The following PRELID2 variants were observed in gnomAD, a reference collection of about 807,000 sequenced individuals.
PRELID2 encodes PRELI domain-containing protein 2.
PRELID2 carries 25 observed loss-of-function variants against 28.4 expected under a neutral mutation model. That is an observed-to-expected ratio of 0.88 (90% CI 0.64 to 1.23). The LOEUF is 1.23. PRELID2 is among the 50% of genes most tolerant of loss of function. The pLI, the probability that PRELID2 is intolerant of heterozygous loss-of-function variation, is 0.00. For missense variants in PRELID2, 201 were observed against 214.4 expected, an observed-to-expected ratio of 0.94 and a Z score of 0.39; for synonymous variants, 76 against 71.6, an observed-to-expected ratio of 1.06 and a Z score of -0.31.
chr5:145,627,612 G>A (rs894285060), intron 1 of PRELID2, among the ~76,000 whole-genome samples: 2 of 152,060 alleles, frequency 1.3e-5, no homozygotes, highest in Non-Finnish European at 2.9e-5. Flanking sequence ...CTCATTACCT[G>A]ATCTCCCTAC....
the PRELID2 span, among the ~76,000 whole-genome samples, chr5:145,370,897 T>A: frequency 2.6e-5 from 4 of 152,150 alleles, no homozygotes; most frequent in Non-Finnish European, 5.9e-5. Context: ...GGGAATTTAT[T>A]CATGATTTGG....
At chr5:145,772,580 A>G (rs1758177411) in intron 5 of PRELID2, among the ~76,000 whole-genome samples, 1 of 152,230 alleles carries the variant, frequency 6.6e-6, no homozygotes, top group African/African-American at 2.4e-5. Context: ...CAAGAAACCA[A>G]GAGATTGAAC....
intron 1 of PRELID2, among the ~76,000 whole-genome samples, chr5:145,617,503 G>C (rs1753715322): frequency 6.6e-6 from 1 of 152,118 alleles, no homozygotes; most frequent in Non-Finnish European, 1.5e-5. Flanking sequence ...CCCTCAACAG[G>C]TTGGGTCATT....
intron 1 of PRELID2, among the ~76,000 whole-genome samples, chr5:145,620,448 C>T: frequency 6.6e-6 from 1 of 152,164 alleles, no homozygotes; most frequent in East Asian, 1.9e-4. Context: ...AGAAAGGTAG[C>T]ACTTTTGTGG....
At chr5:145,649,888 T>C (rs1404856691) in intron 1 of PRELID2, among the ~76,000 whole-genome samples, 1 of 152,170 alleles carries the variant, frequency 6.6e-6, no homozygotes, top group African/African-American at 2.4e-5. Flanking sequence ...CTCTTGCTTG[T>C]TTTATTGTCT....
At position 145,691,052 on chromosome 5, in the gene PRELID2, A is replaced by G. The variant is rs1400154811; in HGVS notation, n.70+73879T>C. On this transcript the variant is annotated intron_variant and non_coding_transcript_variant, in intron 1 of 2. Coordinates refer to the PRELID2 transcript ENST00000510259. ...ATTTATGCACTGCATGTGATGGTGT[A>G]AATTGTGACACCTATTTTGGAAATT... Among the ~76,000 whole-genome samples, 4 of 152,326 alleles carry G rather than the reference A, an allele frequency of 2.6e-5. No homozygotes were observed. The East Asian group carries it at 7.7e-4, about 29-fold the overall frequency.
chr5:145,272,875 A>G, the PRELID2 span, among the ~76,000 whole-genome samples: 2 of 152,116 alleles, frequency 1.3e-5, no homozygotes, highest in Non-Finnish European at 2.9e-5. Context: ...TGAAGACCTC[A>G]CAAATGGAAA....
intron 1 of PRELID2, among the ~76,000 whole-genome samples, chr5:145,527,395 A>C (rs1199783922): frequency 6.6e-6 from 1 of 152,242 alleles, no homozygotes; most frequent in Non-Finnish European, 1.5e-5. Flanking sequence ...GTTACCAGTC[A>C]GGGAACCTGG....
chr5:145,616,229 T>C (rs1753695952), intron 1 of PRELID2, among the ~76,000 whole-genome samples: 1 of 152,236 alleles, frequency 6.6e-6, no homozygotes. Flanking sequence ...GGTGATGATC[T>C]TTTTGTGATG....
chr5:145,835,084 T>A lies in PRELID2; in HGVS notation c.75+93A>T, dbSNP rs573683200. ...AAAGCCCGCAGCTGGAAAGAGACAC[T>A]GGCGGTGCCAGCTTCCGCGTGGATG... is the stretch of plus-strand genomic sequence containing the variant. On this transcript the variant is annotated intron_variant, in intron 1 of 6. Transcript: ENST00000683046. 1.9e-4 allele frequency: 161 copies of A among 844,090 alleles called. No homozygotes were observed. In the South Asian group the frequency reaches 2.4e-3, roughly 13 times the overall value. 52.3% of individuals were successfully genotyped at this position (844,090 alleles called of 1,614,324 possible). A position where few individuals can be genotyped will look rare whatever the true frequency, so the allele number is the denominator to read the frequency against.
chr5:145,829,192 T>C (rs561218853), intron 1 of PRELID2, among the ~76,000 whole-genome samples: 1 of 152,274 alleles, frequency 6.6e-6, no homozygotes, highest in African/African-American at 2.4e-5. Context: ...TGAGCCACCA[T>C]GCCTGGCCAA....
At chr5:145,423,993 C>T in the PRELID2 span, among the ~76,000 whole-genome samples, 1 of 151,598 alleles carries the variant, frequency 6.6e-6, no homozygotes, top group African/African-American at 2.4e-5. Context: ...GAGTACCCTG[C>T]CGTGTGAGGT....
At chr5:145,478,769 T>C (rs1028997226) in intron 1 of PRELID2, among the ~76,000 whole-genome samples, 1 of 152,146 alleles carries the variant, frequency 6.6e-6, no homozygotes, top group African/African-American at 2.4e-5. Context: ...GTAGCTCATG[T>C]TAGGTTTTAT....
chr5:145,339,337 G>A, the PRELID2 span, among the ~76,000 whole-genome samples: 1 of 152,204 alleles, frequency 6.6e-6, no homozygotes, highest in African/African-American at 2.4e-5. Flanking sequence ...GGAGCTTGGA[G>A]AGGCTTCCAG....
intron 1 of PRELID2, among the ~76,000 whole-genome samples, chr5:145,515,738 T>C (rs1179282744): frequency 6.6e-6 from 1 of 152,128 alleles, no homozygotes; most frequent in Non-Finnish European, 1.5e-5. Context: ...GCAAAAATCC[T>C]CAATAAAATA....
At chr5:145,445,457 A>C in the PRELID2 span, among the ~76,000 whole-genome samples, 1 of 152,134 alleles carries the variant, frequency 6.6e-6, no homozygotes, top group Non-Finnish European at 1.5e-5. Context: ...TCTTCAGGAT[A>C]TGGATCTGGA....
At chr5:145,765,150 T>A (rs1246592975) in intron 5 of PRELID2, 150 bp from the exon 6 acceptor site, 7 of 590,848 alleles carry the variant, frequency 1.2e-5, no homozygotes, top group South Asian at 1.1e-4. Context: ...GACATTTTTT[T>A]AATATTTTAC....
intron 1 of PRELID2, among the ~76,000 whole-genome samples, chr5:145,532,101 C>G (rs1021691765): frequency 6.6e-6 from 1 of 152,122 alleles, no homozygotes; most frequent in Admixed American, 6.6e-5. Context: ...TCATCGTCAT[C>G]ATCATTTTCC....
chr5:145,817,446 T>TATATATATATATATATCA (rs551734949), intron 4 of PRELID2, among the ~76,000 whole-genome samples: 2 of 140,288 alleles, frequency 1.4e-5, no homozygotes, highest in Non-Finnish European at 3.1e-5. Flanking sequence ...TATATATATA[T>TATATATATATATATATCA]ATCACATGGT....
Sources: gnomAD v4.1 joint callset for allele counts (sites outside exome capture counted in the v4.1 genomes callset) on GRCh38, gnomAD v4.1.1 for gene constraint, MANE v1.5 for transcripts, NCBI Gene and HGNC (gene_info 2026-07-23, HGNC 2026-07-21) for gene names.